Variants in RNF168 observed in about 807,000 individuals in gnomAD.
RNF168 encodes E3 ubiquitin-protein ligase RNF168.
In RNF168, 34 loss-of-function variants were observed where a neutral mutation model predicts 34.9. The observed-to-expected ratio is 0.97, with a 90% CI of 0.74 to 1.30. RNF168 has a LOEUF of 1.30. RNF168 is among the 50% of genes most tolerant of loss of function. The pLI, the probability that RNF168 is intolerant of heterozygous loss-of-function variation, is 0.00. For synonymous variants in RNF168, 264 were observed against 254.7 expected (o/e 1.04, Z -0.35); for missense variants, 725 against 682.5 (o/e 1.06, Z -0.69).
intron 1 of RNF168, among the ~76,000 whole-genome samples, chr3:196,489,071 G>T (rs1180433310): frequency 6.6e-6 from 1 of 152,012 alleles, no homozygotes; most frequent in Admixed American, 6.6e-5. Flanking sequence ...GGCCAGGCTG[G>T]TCTCGAGCTC....
At position 196,471,969 on chromosome 3, in the gene RNF168, A is replaced by T. The variant is rs1405524582; in HGVS notation, c.1566T>A (p.Ser522=). 6.2e-7 allele frequency: 1 copy of T among 1,614,080 alleles called. No homozygotes were observed. Among genetic ancestry groups the T allele is most frequent in the Non-Finnish European group, 8.5e-7 (1 of 1,180,020 alleles). Residue 522 remains serine, a synonymous_variant, in exon 6 of 6, where the codon TCT becomes TCA. Transcript: ENST00000318037. ...CTGACTGCTTCAACTGCATCTTTAAAGACACTTGCCTATTTTTGTCCCTTG... is the reference window on the plus strand; with the variant it reads ...CTGACTGCTTCAACTGCATCTTTAATGACACTTGCCTATTTTTGTCCCTTG... ...RGSRDKNRQV[S]LKMQLKQSVN...
intron 5 of RNF168, 82 bp downstream of exon 5, chr3:196,475,149 A>C: frequency 1.2e-6 from 1 of 831,826 alleles, no homozygotes; most frequent in Non-Finnish European, 2.1e-6. Flanking sequence ...GGCTTTTGTT[A>C]AAAGGTAGAA....
intron 3 of RNF168, among the ~76,000 whole-genome samples, chr3:196,484,316 C>T (rs563964102): frequency 1.2e-4 from 18 of 151,436 alleles, no homozygotes; most frequent in African/African-American, 3.4e-4. Flanking sequence ...GGACTACCGG[C>T]GCCCTCCACC....
Position 196,483,851 on chromosome 3 carries a change from T to C in RNF168, c.599A>G (p.Asn200Ser), listed in dbSNP as rs1732354122. The C allele has an allele frequency of 6.2e-7, 1 of 1,610,296 alleles. No homozygotes were observed. The highest frequency in any genetic ancestry group is 8.5e-7 in the Non-Finnish European group (1 of 1,176,668). The change falls in exon 4 of 6, where the codon AAT (asparagine) becomes AGT (serine). Residue 200 changes from asparagine (N) to serine (S), a missense_variant. Asn to Ser is a conservative substitution (Grantham distance 46, BLOSUM62 1). Transcript: ENST00000318037. The part of the protein sequence containing the change: ...CEGSISASPL[N>S]SRKSDPVTPK... ...TGTAACTGGATCAGATTTTCTGGAA[T>C]TCAAGGGAGAAGCCGAGATACTTCC... is the stretch of plus-strand genomic sequence containing the variant.
At chr3:196,481,703 TTTTTTTG>T (rs1186480559) in intron 4 of RNF168, among the ~76,000 whole-genome samples, 4 of 145,150 alleles carry the variant, frequency 2.8e-5, no homozygotes, top group African/African-American at 7.8e-5. Context: ...TTTTTTTTTT[TTTTTTTG>T]AGATATGATC....
rs948759393 is a variant in RNF168 at position 196,475,435 on chromosome 3, T to A, written c.681-123A>T. On this transcript the variant is annotated intron_variant, in intron 4 of 5. Transcript: ENST00000318037. The stretch of plus-strand genomic sequence containing the variant: ...TGCTTGGCTGTTTTATCAGAGTGTA[T>A]CTCATTTCCGTGCTTCAGATATTTT... 12 of 700,402 alleles carry A rather than the reference T, an allele frequency of 1.7e-5. No individual in the cohort carries two copies. The African/African-American group carries it at 1.9e-4, about 11-fold the overall frequency. The allele number at this position is 700,402 out of a possible 1,614,324, so 43.4% of individuals were successfully genotyped here. A position where few individuals can be genotyped will look rare whatever the true frequency, so the allele number is the denominator to read the frequency against.
intron 4 of RNF168, among the ~76,000 whole-genome samples, chr3:196,480,487 C>T (rs953743121): frequency 2.0e-5 from 3 of 152,172 alleles, no homozygotes; most frequent in African/African-American, 4.8e-5. Flanking sequence ...AGCGAGACTC[C>T]GTCTCAAAAG....
chr3:196,502,833 T>A (rs767813627), intron 1 of RNF168, 40 bp downstream of exon 1: 1 of 1,566,208 alleles, frequency 6.4e-7, no homozygotes, highest in South Asian at 1.1e-5. Flanking sequence ...TTTCAAAGAC[T>A]TGCGGCTTTT....
At chr3:196,500,933 G>T (rs575918323) in intron 1 of RNF168, among the ~76,000 whole-genome samples, 1 of 152,026 alleles carries the variant, frequency 6.6e-6, no homozygotes, top group African/African-American at 2.4e-5. Context: ...GGATGGTCTC[G>T]ATCTCCTGAC....
chr3:196,482,128 C>T (rs985695276), intron 4 of RNF168, among the ~76,000 whole-genome samples: 5 of 151,992 alleles, frequency 3.3e-5, no homozygotes, highest in East Asian at 1.9e-4. Flanking sequence ...TTTTCTGATA[C>T]GGCACGTAAA....
intron 1 of RNF168, among the ~76,000 whole-genome samples, chr3:196,490,179 C>CTATA (rs1375255083): frequency 8.5e-5 from 13 of 152,074 alleles, no homozygotes; most frequent in Admixed American, 7.9e-4. Context: ...AAACAGTAAG[C>CTATA]TATACAAAGA....
rs7646174 is a variant in RNF168 at position 196,483,937 on chromosome 3, T to C, written c.559-46A>G. On this transcript the variant is annotated intron_variant, in intron 3 of 5. Transcript: ENST00000318037. ...TAACAGACATTATGAGAGAGAACTT[T>C]ATGATAAAATAAGCTATTAATTTGA... 877,387 of 1,419,780 alleles carry C rather than the reference T, an allele frequency of 0.62. 277,957 individuals carry two copies. Among genetic ancestry groups the C allele is most frequent in the African/African-American group, 0.76 (53,863 of 71,100 alleles). The allele number at this position is 1,419,780 out of a possible 1,614,324, so 87.9% of individuals were successfully genotyped here.
At chr3:196,476,325 T>C (rs1464612721) in intron 4 of RNF168, among the ~76,000 whole-genome samples, 1 of 152,188 alleles carries the variant, frequency 6.6e-6, no homozygotes, top group Non-Finnish European at 1.5e-5. Context: ...CACGACATTT[T>C]AAATCTCTAC....
chr3:196,495,715 G>A (rs1311283284), intron 1 of RNF168, among the ~76,000 whole-genome samples: 1 of 152,154 alleles, frequency 6.6e-6, no homozygotes, highest in Non-Finnish European at 1.5e-5. Context: ...TAAGCAATCT[G>A]TAAGATGATA....
intron 3 of RNF168, among the ~76,000 whole-genome samples, chr3:196,484,171 CTT>C (rs71699491): frequency 4.2e-5 from 5 of 119,440 alleles, no homozygotes; most frequent in Admixed American, 9.1e-5. Context: ...TCTTTCTTTC[CTT>C]TTTTTTTTTT....
intron 1 of RNF168, among the ~76,000 whole-genome samples, chr3:196,502,022 G>C (rs1732901812): frequency 8.1e-6 from 1 of 122,950 alleles, no homozygotes; most frequent in Non-Finnish European, 1.6e-5. Flanking sequence ...TTAAAAGGCA[G>C]GTACACATAT....
intron 4 of RNF168, among the ~76,000 whole-genome samples, chr3:196,479,023 T>A (rs568540578): frequency 1.5e-4 from 22 of 144,838 alleles, no homozygotes; most frequent in South Asian, 6.7e-4. Flanking sequence ...TTATTTATTT[T>A]TTTTTGAGAC....
At chr3:196,487,865 CTATT>C (rs1374446841) in intron 2 of RNF168, among the ~76,000 whole-genome samples, 5 of 152,150 alleles carry the variant, frequency 3.3e-5, no homozygotes, top group Admixed American at 2.0e-4. Flanking sequence ...AGAAAAATCT[CTATT>C]TATGTATAAC....
chr3:196,474,180 T>G (rs1004639364), intron 5 of RNF168, among the ~76,000 whole-genome samples: 6 of 144,812 alleles, frequency 4.1e-5, no homozygotes, highest in South Asian at 4.3e-4. Flanking sequence ...CAGGCTGGAG[T>G]GCAATGGCGA....
Sources: gnomAD v4.1 joint callset for allele counts (sites outside exome capture counted in the v4.1 genomes callset) on GRCh38, gnomAD v4.1.1 for gene constraint, MANE v1.5 for transcripts, NCBI Gene and HGNC (gene_info 2026-07-23, HGNC 2026-07-21) for gene names.